The following ATXN10 variants were observed in gnomAD, a reference collection of about 807,000 sequenced individuals.
ATXN10 encodes the protein ataxin 10.
ATXN10 carries 28 observed loss-of-function variants against 52.9 expected under a neutral mutation model. That is an observed-to-expected ratio of 0.53 (90% CI 0.39 to 0.73). ATXN10 has a LOEUF of 0.73. ATXN10 is among the 30% of genes least tolerant of loss of function. The probability of loss-of-function intolerance (pLI) is 0.00; values close to 1 mark genes in which losing one functional copy is unlikely to be tolerated. For synonymous variants in ATXN10, 226 were observed against 221.5 expected (o/e 1.02, Z -0.18); for missense variants, 565 against 577.0 (o/e 0.98, Z 0.21).
intron 1 of ATXN10, among the ~76,000 whole-genome samples, chr22:45,680,424 A>C (rs757281651): frequency 9.2e-5 from 14 of 152,222 alleles, no homozygotes; most frequent in Admixed American, 2.0e-4. Flanking sequence ...ATTCAATGCC[A>C]TTCATAATAA....
At chr22:45,802,392 T>A (rs1009010549) in intron 9 of ATXN10, among the ~76,000 whole-genome samples, 1 of 152,224 alleles carries the variant, frequency 6.6e-6, no homozygotes, top group Non-Finnish European at 1.5e-5. Flanking sequence ...GCTTGACACT[T>A]GTAGTTATAG....
chr22:45,741,017 C>A lies in ATXN10; in HGVS notation c.1173+479C>A, dbSNP rs559257955. On this transcript the variant is annotated intron_variant, in intron 9 of 11. Transcript: ENST00000252934. ...GCTGCTTTTAGAAACCTCTTATGTG[C>A]AGAAGAGCTTAAAGGTAGTTATATT... is the stretch of plus-strand genomic sequence containing the variant. Among the ~76,000 whole-genome samples the A allele has an allele frequency of 2.6e-5, 4 of 152,112 alleles. No homozygotes were observed. In the East Asian group the frequency reaches 7.7e-4, roughly 29 times the overall value.
Position 45,728,674 on chromosome 22 carries a change from A to G in ATXN10, c.729-751A>G, listed in dbSNP as rs1264786734. 2.0e-5 allele frequency among the ~76,000 whole-genome samples: 3 copies of G among 152,210 alleles called. No homozygotes were observed. Among genetic ancestry groups the G allele is most frequent in the Non-Finnish European group, 4.4e-5 (3 of 68,040 alleles). ...AAATGTAATTTTGAGCAAATGTGCT[A>G]ATTGATTTATGCTAGACAGATTGAC... is the stretch of plus-strand genomic sequence containing the variant. On this transcript the variant is annotated intron_variant, in intron 6 of 11. Coordinates refer to ENST00000252934, the MANE Select transcript of ATXN10 (RefSeq NM_013236.4). This position sits in a 1 kb window ranked among gnomAD's most constrained non-coding sequence, Gnocchi z 4.3.
At chr22:45,810,571 T>C (rs1928248378) in intron 10 of ATXN10, among the ~76,000 whole-genome samples, 1 of 152,220 alleles carries the variant, frequency 6.6e-6, no homozygotes, top group Non-Finnish European at 1.5e-5. Flanking sequence ...TTGACTGAAA[T>C]GAATTTGATG....
At position 45,775,743 on chromosome 22, in the gene ATXN10, T is replaced by C. The variant is rs1926930553; in HGVS notation, c.1174-31216T>C. On this transcript the variant is annotated intron_variant, in intron 9 of 11. Coordinates refer to ENST00000252934, the MANE Select transcript of ATXN10 (RefSeq NM_013236.4). This position sits in a 1 kb window ranked among gnomAD's most constrained non-coding sequence, Gnocchi z 4.7. ...GTAGTTTCCATGCTTCAAGTTTTAC[T>C]TCCTCATTAGTGCCTCATGTCATGA... is the stretch of plus-strand genomic sequence containing the variant. Among the ~76,000 whole-genome samples the C allele has an allele frequency of 6.6e-6, 1 of 152,210 alleles. No individual in the cohort carries two copies. The highest frequency in any genetic ancestry group is 2.1e-4 in the South Asian group (1 of 4,824).
rs1311213693 is a variant in ATXN10, at chr22:45,823,729, A to C, written c.1237+16707A>C. 1.3e-5 allele frequency among the ~76,000 whole-genome samples: 2 copies of C among 152,172 alleles called. No homozygotes were observed. Among genetic ancestry groups the C allele is most frequent in the African/African-American group, 4.8e-5 (2 of 41,430 alleles). On this transcript the variant is annotated intron_variant, in intron 10 of 11. Transcript: ENST00000252934. This position sits in a 1 kb window ranked among gnomAD's most constrained non-coding sequence, Gnocchi z 4.9. ...GCTGTATCATTATGTTCATGGATTT[A>C]TTCGGCAGGTGTTTATTGAGTAGCT...
At chr22:45,692,344 A>C (rs545199472) in intron 2 of ATXN10, among the ~76,000 whole-genome samples, 4 of 152,274 alleles carry the variant, frequency 2.6e-5, no homozygotes, top group African/African-American at 7.2e-5. Context: ...TATTGCATGC[A>C]ACTTATGGTT....
At chr22:45,706,078 C>G (rs1383093670) in intron 5 of ATXN10, among the ~76,000 whole-genome samples, 1 of 152,206 alleles carries the variant, frequency 6.6e-6, no homozygotes, top group Non-Finnish European at 1.5e-5. Flanking sequence ...TGAGGTAGAA[C>G]AGTTTCTTCC....
intron 10 of ATXN10, among the ~76,000 whole-genome samples, chr22:45,822,279 C>T (rs1342029316): frequency 2.0e-5 from 3 of 152,144 alleles, no homozygotes; most frequent in Non-Finnish European, 4.4e-5. Context: ...ACATACAGTG[C>T]ATGTGTCCTG....
At chr22:45,702,939 A>C in intron 5 of ATXN10, 92 bp downstream of exon 5, 2 of 1,477,736 alleles carry the variant, frequency 1.4e-6, no homozygotes, top group Non-Finnish European at 1.9e-6. Flanking sequence ...GGACATTGTG[A>C]TAATTGAACG....
At position 45,775,787 on chromosome 22, in the gene ATXN10, TTAGCACGGTAG is replaced by T. The variant is rs1926932017; in HGVS notation, c.1174-31171_1174-31161del. On this transcript the variant is annotated intron_variant, in intron 9 of 11. Transcript: ENST00000252934. This position sits in a 1 kb window ranked among gnomAD's most constrained non-coding sequence, Gnocchi z 4.7. ...GTCATGACCTGGGTCTCCGATTTAT[TTAGCACGGTAG>T]CACCAATAATAAATATTCTACAGCC... Among the ~76,000 whole-genome samples the T allele has an allele frequency of 6.6e-6, 1 of 152,244 alleles. No homozygotes were observed. Among genetic ancestry groups the T allele is most frequent in the Non-Finnish European group, 1.5e-5 (1 of 68,040 alleles).
chr22:45,798,526 C>T (rs1601653581), intron 9 of ATXN10, among the ~76,000 whole-genome samples: 1 of 152,182 alleles, frequency 6.6e-6, no homozygotes. Flanking sequence ...GGAACTTTCT[C>T]ATCCTGAAAA....
At chr22:45,776,475 G>C (rs927745223) in intron 9 of ATXN10, among the ~76,000 whole-genome samples, 2 of 149,760 alleles carry the variant, frequency 1.3e-5, no homozygotes, top group Middle Eastern at 6.5e-3. Context: ...GCCATATGAA[G>C]TTTTTCATAT....
intron 9 of ATXN10, among the ~76,000 whole-genome samples, chr22:45,777,291 G>A (rs749995396): frequency 1.7e-4 from 26 of 152,208 alleles, no homozygotes; most frequent in Non-Finnish European, 3.4e-4. Context: ...CTGGAGTCGG[G>A]TGGGTGTTTA....
intron 10 of ATXN10, among the ~76,000 whole-genome samples, chr22:45,831,670 C>T (rs1205014286): frequency 6.6e-6 from 1 of 152,198 alleles, no homozygotes; most frequent in Admixed American, 6.5e-5. Context: ...TTATAACTGG[C>T]TAGGGCCACC....
Position 45,672,144 on chromosome 22 carries a change from C to T in ATXN10, c.81C>T (p.Arg27=), listed in dbSNP as rs1322103546. 6.5e-7 allele frequency: 1 copy of T among 1,539,920 alleles called. No individual in the cohort carries two copies. Among genetic ancestry groups the T allele is most frequent in the Non-Finnish European group, 8.7e-7 (1 of 1,145,322 alleles). Residue 27 remains arginine, a synonymous_variant, in exon 1 of 12, where the codon CGC becomes CGT. Coordinates refer to ENST00000252934, the MANE Select transcript of ATXN10 (RefSeq NM_013236.4). ...CCATCCAAGACCTGGAGGCCCTGCG[C>T]GCGCTCACGGCGCTCTTCAAAGAGC... ...PAPIQDLEAL[R]ALTALFKEQR...
chr22:45,756,436 A>G (rs1448745259), intron 9 of ATXN10, among the ~76,000 whole-genome samples: 1 of 150,924 alleles, frequency 6.6e-6, no homozygotes, highest in Non-Finnish European at 1.5e-5. Flanking sequence ...GAGCCACCAC[A>G]CTCGGCCCCA....
In ATXN10 at chr22:45,691,016, T is replaced by G. The variant is rs183271422; in HGVS notation, c.308+1113T>G. On this transcript the variant is annotated intron_variant, in intron 2 of 11. Transcript: ENST00000252934. Reference sequence around the variant, plus strand: ...GGTTAGACACATATACCCGAGGCTTTGATATGATTAATGAGATTTTTAAGA... The same window carrying G: ...GGTTAGACACATATACCCGAGGCTTGGATATGATTAATGAGATTTTTAAGA... 2.0e-3 allele frequency among the ~76,000 whole-genome samples: 300 copies of G among 152,270 alleles called. 2 individuals carry two copies. The highest frequency in any genetic ancestry group is 3.4e-3 in the Middle Eastern group (1 of 294).
At chr22:45,768,207 A>G (rs1388299915) in intron 9 of ATXN10, among the ~76,000 whole-genome samples, 1 of 152,170 alleles carries the variant, frequency 6.6e-6, no homozygotes, top group African/African-American at 2.4e-5. Flanking sequence ...TTTTCTCTAT[A>G]AGGAACCAGG....
Sources: gnomAD v4.1 joint callset for allele counts (sites outside exome capture counted in the v4.1 genomes callset) on GRCh38, gnomAD v4.1.1 for gene constraint, Gnocchi (gnomAD v3.1) non-coding constraint, MANE v1.5 for transcripts, NCBI Gene and HGNC (gene_info 2026-07-23, HGNC 2026-07-21) for gene names.